INSR: variants seen among roughly 807,000 people sequenced by gnomAD.
INSR encodes the protein IR.
Under a neutral mutation model 142.6 loss-of-function variants are expected in INSR, and 67 were observed. That is an observed-to-expected ratio of 0.47 (90% CI 0.39 to 0.58). The LOEUF (loss-of-function observed/expected upper bound fraction) is 0.58, where lower values mean the gene tolerates loss of function less well. Ranked by LOEUF, INSR falls within the 20% of genes least tolerant of loss-of-function variation. The pLI, the probability that INSR is intolerant of heterozygous loss-of-function variation, is 0.00. For missense variants in INSR, 1,248 were observed against 1,833.2 expected (o/e 0.68, Z 5.83); for synonymous variants, 756 against 743.1 (o/e 1.02, Z -0.28).
At chr19:7,262,251 A>G (rs1048224026) in intron 2 of INSR, among the ~76,000 whole-genome samples, 1 of 152,060 alleles carries the variant, frequency 6.6e-6, no homozygotes, top group South Asian at 2.1e-4. Context: ...CCAGTGGATT[A>G]TCTGAGGTCA....
intron 9 of INSR, 85 bp from the exon 10 acceptor site, chr19:7,153,012 A>ACACCCC: frequency 1.8e-6 from 1 of 541,752 alleles, no homozygotes; most frequent in Non-Finnish European, 2.9e-6. Flanking sequence ...ACACACACAC[A>ACACCCC]CCACACACAC....
chr19:7,133,533 C>T (rs557002922), intron 13 of INSR, among the ~76,000 whole-genome samples: 1 of 152,274 alleles, frequency 6.6e-6, no homozygotes, highest in African/African-American at 2.4e-5. Flanking sequence ...CCCTTTGGTT[C>T]ACGTCTCTCC....
intron 2 of INSR, among the ~76,000 whole-genome samples, chr19:7,202,996 G>GTTTTTTTTTTTTT (rs371572449): frequency 3.4e-4 from 23 of 67,744 alleles, no homozygotes; most frequent in African/African-American, 6.4e-4. Context: ...GGGTTTTGTT[G>GTTTTTTTTTTTTT]TTTTTTTTTT....
chr19:7,181,943 T>G (rs775611072), intron 3 of INSR, among the ~76,000 whole-genome samples: 22 of 152,070 alleles, frequency 1.4e-4, no homozygotes, highest in Admixed American at 4.6e-4. Context: ...CCTTCCCAGA[T>G]AAGCCACCAG....
intron 4 of INSR, among the ~76,000 whole-genome samples, chr19:7,173,858 G>A (rs187283500): frequency 6.2e-4 from 94 of 151,926 alleles, no homozygotes; most frequent in Admixed American, 1.0e-3. Context: ...CTCACCTCAC[G>A]TGATCCACCT....
chr19:7,267,758 T>C lies in INSR; in HGVS notation c.239A>G (p.Lys80Arg), dbSNP rs775877781. The change falls in exon 2 of 22, where the codon AAA (lysine) becomes AGA (arginine). Residue 80 changes from lysine to arginine, a missense_variant. Coordinates refer to ENST00000302850, the MANE Select transcript of INSR (RefSeq NM_000208.4). The surrounding 1 kb of genome is among the most constrained non-coding windows in gnomAD (Gnocchi z 6.3). ...PEDFRDLSFP[K>R]LIMITDYLLL... is the part of the protein sequence containing the mutation. ...CAAGTAATCAGTGATCATGATGAGT[T>C]TGGGGAAACTGAGGTCTCGGAAATC... is the stretch of plus-strand genomic sequence containing the variant. 3 of 1,614,050 alleles carry C rather than the reference T, an allele frequency of 1.9e-6. No individual in the cohort carries two copies. The highest frequency in any genetic ancestry group is 2.2e-5 in the East Asian group (1 of 44,886).
Position 7,119,691 on chromosome 19 carries a change from T to C in INSR, c.3660-108A>G, listed in dbSNP as rs1213066853. The C allele has an allele frequency of 1.2e-5, 15 of 1,222,752 alleles. No homozygotes were observed. Among genetic ancestry groups the C allele is most frequent in the South Asian group, 8.6e-5 (7 of 81,544 alleles). 75.7% of individuals were successfully genotyped at this position (1,222,752 alleles called of 1,614,324 possible). On this transcript the variant is annotated intron_variant, in intron 20 of 21. Coordinates refer to ENST00000302850, the MANE Select transcript of INSR (RefSeq NM_000208.4). The surrounding 1 kb of genome is among the most constrained non-coding windows in gnomAD (Gnocchi z 5.2). ...ACGCACACACACACGCAAACACACA[T>C]GCCAACACATACATGCAAACACACA...
intron 2 of INSR, among the ~76,000 whole-genome samples, chr19:7,262,196 C>T (rs370695743): frequency 7.2e-5 from 11 of 152,106 alleles, no homozygotes; most frequent in South Asian, 4.1e-4. Context: ...TAAGGCTGGG[C>T]GCGGTAGCTC....
intron 13 of INSR, among the ~76,000 whole-genome samples, chr19:7,140,848 T>C (rs1973053242): frequency 6.6e-6 from 1 of 150,596 alleles, no homozygotes. Flanking sequence ...TAAAATGTGA[T>C]CAATGAGATA....
chr19:7,244,602 A>G (rs1426378941), intron 2 of INSR, among the ~76,000 whole-genome samples: 2 of 152,120 alleles, frequency 1.3e-5, no homozygotes, highest in Admixed American at 6.6e-5. Flanking sequence ...GAAAAATACG[A>G]AAGTATTGAT....
chr19:7,184,653 G>GAA lies in INSR; in HGVS notation c.653-17_653-16insTT. ...GTCGGGCAAACTGGAGAGAGAGAGA[G>GAA]AGAGAGAGGGAAATAAATAAATAAA... On this transcript the variant is annotated splice_polypyrimidine_tract_variant and intron_variant, in intron 2 of 21. Transcript: ENST00000302850. The GAA allele has an allele frequency of 6.8e-7, 1 of 1,473,440 alleles. No homozygotes were observed. Among genetic ancestry groups the GAA allele is most frequent in the African/African-American group, 1.4e-5 (1 of 69,860 alleles). The allele number at this position is 1,473,440 out of a possible 1,614,324, so 91.3% of individuals were successfully genotyped here.
rs1450021846 is a variant in INSR at position 7,168,931 on chromosome 19, T to C, written c.1484-837A>G. On this transcript the variant is annotated intron_variant, in intron 6 of 21. Transcript: ENST00000302850. The surrounding 1 kb of genome is among the most constrained non-coding windows in gnomAD (Gnocchi z 4.3). ...TGCACTACATTTTGACATAAGTAAC[T>C]AACTCCCCATGAAGGTATCCCAGAA... 6.6e-6 allele frequency among the ~76,000 whole-genome samples: 1 copy of C among 152,136 alleles called. No individual in the cohort carries two copies. Among genetic ancestry groups the C allele is most frequent in the African/African-American group, 2.4e-5 (1 of 41,452 alleles).
In INSR at chr19:7,152,873, T is replaced by C. The variant is rs55906835; in HGVS notation, c.2084A>G (p.Gln695Arg). 119 of 1,613,058 alleles carry C rather than the reference T, an allele frequency of 7.4e-5. No individual in the cohort carries two copies. Among genetic ancestry groups the C allele is most frequent in the Non-Finnish European group, 7.8e-5 (92 of 1,179,916 alleles). ...WSPPFESEDS[Q>R]KHNQSEYEDS... ...CTCATACTCACTCTGGTTGTGCTTC[T>C]GAGAATCTTCAGACTCGAATGGTGG... The change falls in exon 10 of 22, where the codon CAG becomes CGG. Residue 695 changes from glutamine to arginine, a missense_variant. Around this residue, in one of 3 missense-constraint regions of INSR, gnomAD observed 1,069 missense variants for 1,654.0 expected, o/e 0.65. Coordinates refer to ENST00000302850, the MANE Select transcript of INSR (RefSeq NM_000208.4).
chr19:7,157,571 T>G (rs1244288093), intron 9 of INSR, among the ~76,000 whole-genome samples: 1 of 151,838 alleles, frequency 6.6e-6, no homozygotes, highest in African/African-American at 2.4e-5. Flanking sequence ...CCTACAATAC[T>G]TAAGTACCGC....
chr19:7,167,066 C>T (rs777957646), intron 7 of INSR, among the ~76,000 whole-genome samples: 2 of 152,136 alleles, frequency 1.3e-5, no homozygotes, highest in Non-Finnish European at 2.9e-5. Flanking sequence ...AATCTGAAAT[C>T]TGAAATGCTC....
At chr19:7,219,520 AGAAGGAAG>A (rs553654818) in intron 2 of INSR, among the ~76,000 whole-genome samples, 1 of 49,100 alleles carries the variant, frequency 2.0e-5, no homozygotes, top group African/African-American at 7.2e-5. Flanking sequence ...AACGAAGGAA[AGAAGGAAG>A]GAAGGAAGGG....
In INSR at chr19:7,119,477, C is replaced by G; in HGVS notation, c.3766G>C (p.Asp1256His). Reference sequence around the variant, plus strand: ...CTCTCTGGACAGTTGTCGGGTTGATCCAGATACCCTCCATCCATGACAAAT... The same window carrying G: ...CTCTCTGGACAGTTGTCGGGTTGATGCAGATACCCTCCATCCATGACAAAT... ...LKFVMDGGYL[D>H]QPDNCPERVT... The change falls in exon 21 of 22, where the codon GAT becomes CAT. Residue 1256 changes from aspartate to histidine, a missense_variant. By Grantham distance (81) the Asp-to-His change is moderately conservative. Coordinates refer to ENST00000302850, the MANE Select transcript of INSR (RefSeq NM_000208.4). The surrounding 1 kb of genome is among the most constrained non-coding windows in gnomAD (Gnocchi z 5.2). The G allele has an allele frequency of 6.2e-7, 1 of 1,614,158 alleles. No individual in the cohort carries two copies. Among genetic ancestry groups the G allele is most frequent in the Non-Finnish European group, 8.5e-7 (1 of 1,180,026 alleles).
At chr19:7,227,931 A>G (rs553709286) in intron 2 of INSR, among the ~76,000 whole-genome samples, 1 of 151,990 alleles carries the variant, frequency 6.6e-6, no homozygotes, top group East Asian at 1.9e-4. Context: ...CGACCTTCAC[A>G]CTAGGGTCAT....
At chr19:7,191,563 C>T (rs1599974671) in intron 2 of INSR, among the ~76,000 whole-genome samples, 3 of 152,116 alleles carry the variant, frequency 2.0e-5, no homozygotes, top group Admixed American at 1.3e-4. Context: ...GTGGCTTGTG[C>T]ATGTAATGGC....
Sources: gnomAD v4.1 joint callset for allele counts (sites outside exome capture counted in the v4.1 genomes callset) on GRCh38, gnomAD v4.1.1 for gene constraint, gnomAD v4.1.1 regional missense constraint, Gnocchi (gnomAD v3.1) non-coding constraint, MANE v1.5 for transcripts, NCBI Gene and HGNC (gene_info 2026-07-23, HGNC 2026-07-21) for gene names.